TOM1L2: variants seen among roughly 807,000 people sequenced by gnomAD.
The protein encoded by TOM1L2 is TOM1-like protein 2.
Under a neutral mutation model 67.9 loss-of-function variants are expected in TOM1L2, and 31 were observed. The ratio of observed to expected loss-of-function variants is 0.46; its 90% CI spans 0.34 to 0.62. TOM1L2 has a LOEUF of 0.62. Among genes scored for constraint, TOM1L2 ranks in the 20% least tolerant of loss-of-function variants. The pLI, the probability that TOM1L2 is intolerant of heterozygous loss-of-function variation, is 0.01. For missense variants in TOM1L2, 606 were observed against 663.5 expected (o/e 0.91, Z 0.95); for synonymous variants, 256 against 254.0 (o/e 1.01, Z -0.07).
chr17:17,898,484 A>C (rs1334477979), intron 3 of TOM1L2, 112 bp downstream of exon 3: 1 of 1,108,118 alleles, frequency 9.0e-7, no homozygotes, highest in African/African-American at 1.5e-5. Context: ...CCAGGCACCA[A>C]GCCATTCAGA....
At chr17:17,944,809 T>C (rs938228856) in intron 1 of TOM1L2, among the ~76,000 whole-genome samples, 3 of 152,212 alleles carry the variant, frequency 2.0e-5, no homozygotes, top group Non-Finnish European at 1.5e-5. Context: ...ATTAAATGCT[T>C]AGCGACAAGG....
chr17:17,882,406 C>G lies in TOM1L2; in HGVS notation c.660+299G>C, dbSNP rs145808881. ...GTCATTGCTGAGCATGCGGTCTCAC[C>G]TGACAAAGCCCAACTCCTGTGTCAG... On this transcript the variant is annotated intron_variant, in intron 6 of 14. Transcript: ENST00000379504. 2.2e-3 allele frequency among the ~76,000 whole-genome samples: 338 copies of G among 152,344 alleles called. 1 individual carries two copies. The highest frequency in any genetic ancestry group is 3.7e-3 in the Admixed American group (57 of 15,304).
intron 1 of TOM1L2, among the ~76,000 whole-genome samples, chr17:17,965,958 T>C (rs973719026): frequency 2.0e-5 from 3 of 151,944 alleles, no homozygotes; most frequent in Non-Finnish European, 4.4e-5. Flanking sequence ...CTGTCTCTAC[T>C]AACAATACAA....
intron 1 of TOM1L2, among the ~76,000 whole-genome samples, chr17:17,910,771 G>T (rs532690774): frequency 2.6e-5 from 4 of 152,178 alleles, no homozygotes; most frequent in African/African-American, 7.2e-5. Flanking sequence ...GTTTCGGCAC[G>T]TTGGCCAGAC....
chr17:17,955,140 C>G (rs2041375369), intron 1 of TOM1L2, among the ~76,000 whole-genome samples: 1 of 152,136 alleles, frequency 6.6e-6, no homozygotes, highest in Admixed American at 6.5e-5. Flanking sequence ...GCCCAGCTGA[C>G]AAGTGAGAAG....
intron 12 of TOM1L2, among the ~76,000 whole-genome samples, chr17:17,852,892 A>G (rs2036060895): frequency 6.7e-6 from 1 of 149,578 alleles, no homozygotes; most frequent in East Asian, 2.0e-4. Flanking sequence ...AAAAAAAAAG[A>G]ACATTGAATT....
At position 17,847,233 on chromosome 17, in the gene TOM1L2, C is replaced by A; in HGVS notation, c.*402G>T. 1 of 216,672 alleles carries A rather than the reference C, an allele frequency of 4.6e-6. No individual in the cohort carries two copies. The highest frequency in any genetic ancestry group is 9.3e-6 in the Non-Finnish European group (1 of 107,948). The allele number at this position is 216,672 out of a possible 1,614,324, so 13.4% of individuals were successfully genotyped here. The stretch of plus-strand genomic sequence containing the variant: ...AGAGGGGCCCAGGAGGGCAGAATGC[C>A]TGAGAAGGTCGCTGAGCCAGGCAGA... On this transcript the variant is annotated 3_prime_UTR_variant, in exon 15 of 15. Coordinates refer to ENST00000379504, the MANE Select transcript of TOM1L2 (RefSeq NM_001082968.2).
At chr17:17,886,788 G>A (rs1015353860) in intron 4 of TOM1L2, among the ~76,000 whole-genome samples, 2 of 152,186 alleles carry the variant, frequency 1.3e-5, no homozygotes, top group African/African-American at 2.4e-5. Context: ...ATACTTCTTC[G>A]GGTCCACTTT....
intron 1 of TOM1L2, among the ~76,000 whole-genome samples, chr17:17,939,435 T>C (rs1340585103): frequency 6.6e-6 from 1 of 152,246 alleles, no homozygotes; most frequent in African/African-American, 2.4e-5. Context: ...GGATACATGA[T>C]AGGAAATTAC....
rs1345445286 is a variant in TOM1L2 at position 17,959,098 on chromosome 17, G to GT, written c.52+13163dup. ...GAGTTATATCCTTTGTCACGAAAAT[G>GT]TAAGTAAAGTGTTGTCCTGAATTTT... On this transcript the variant is annotated intron_variant, in intron 1 of 14. Transcript: ENST00000379504. Among the ~76,000 whole-genome samples the GT allele has an allele frequency of 4.6e-5, 7 of 152,320 alleles. No individual in the cohort carries two copies. In the East Asian group the frequency reaches 1.3e-3, roughly 29 times the overall value.
At chr17:17,925,310 C>T (rs929748445) in intron 1 of TOM1L2, among the ~76,000 whole-genome samples, 2 of 151,518 alleles carry the variant, frequency 1.3e-5, no homozygotes, top group Middle Eastern at 3.2e-3. Flanking sequence ...AAAAAAAAGA[C>T]ACAAAATTGA....
At chr17:17,861,817 CTT>C (rs1225417173) in intron 11 of TOM1L2, 1 of 415,858 alleles carries the variant, frequency 2.4e-6, no homozygotes, top group Non-Finnish European at 4.4e-6. Flanking sequence ...ACATCCCTCT[CTT>C]GAGTAACAAT....
chr17:17,932,630 T>C (rs1259641315), intron 1 of TOM1L2, among the ~76,000 whole-genome samples: 1 of 152,104 alleles, frequency 6.6e-6, no homozygotes, highest in Non-Finnish European at 1.5e-5. Flanking sequence ...GCATGGGATG[T>C]GGTGGGGAAT....
At position 17,848,873 on chromosome 17, in the gene TOM1L2, A is replaced by C; in HGVS notation, c.1339-14T>G. 6.2e-7 allele frequency: 1 copy of C among 1,614,156 alleles called. No homozygotes were observed. The highest frequency in any genetic ancestry group is 8.5e-7 in the Non-Finnish European group (1 of 1,180,008). On this transcript the variant is annotated splice_polypyrimidine_tract_variant and intron_variant, in intron 13 of 14. Transcript: ENST00000379504. ...ATCATCACCCTTCTGTGGGAGGAGC[A>C]GAGAAAATGAAATTAGGGCACTGGT...
intron 14 of TOM1L2, among the ~76,000 whole-genome samples, chr17:17,848,120 C>T (rs2035752691): frequency 6.6e-6 from 1 of 152,136 alleles, no homozygotes; most frequent in South Asian, 2.1e-4. Flanking sequence ...TCTGATTAAA[C>T]AGGCAGGAAC....
intron 1 of TOM1L2, among the ~76,000 whole-genome samples, chr17:17,970,040 T>G (rs1431838320): frequency 2.6e-5 from 4 of 151,962 alleles, no homozygotes; most frequent in South Asian, 4.2e-4. Flanking sequence ...TATTTGGTTT[T>G]TTGTTGTTGT....
intron 1 of TOM1L2, among the ~76,000 whole-genome samples, chr17:17,959,800 G>A (rs995197249): frequency 3.9e-5 from 6 of 152,122 alleles, no homozygotes; most frequent in African/African-American, 7.2e-5. Flanking sequence ...ACCAAAACCC[G>A]AAACAGAATT....
chr17:17,921,840 C>T (rs568392984), intron 1 of TOM1L2, among the ~76,000 whole-genome samples: 1 of 152,280 alleles, frequency 6.6e-6, no homozygotes, highest in East Asian at 1.9e-4. Context: ...TTCCCCAGAG[C>T]GCCTCCCAGG....
chr17:17,927,063 C>T (rs1488229400), intron 1 of TOM1L2, among the ~76,000 whole-genome samples: 1 of 152,134 alleles, frequency 6.6e-6, no homozygotes, highest in Non-Finnish European at 1.5e-5. Flanking sequence ...ACAAAGCTTG[C>T]CAAGGGAAAC....
Sources: allele counts gnomAD v4.1 joint callset (sites outside exome capture counted in the v4.1 genomes callset), GRCh38; gene constraint gnomAD v4.1.1; transcripts MANE v1.5; gene names NCBI Gene and HGNC (gene_info 2026-07-23, HGNC 2026-07-21).